Variants in EBF4 observed in about 807,000 individuals in gnomAD.
EBF4 encodes the protein EBF transcription factor 4, also known as transcription factor COE4.
A neutral mutation model predicts 67.1 loss-of-function variants in EBF4; 34 were observed. That is an observed-to-expected ratio of 0.51 (90% CI 0.39 to 0.67). The LOEUF (loss-of-function observed/expected upper bound fraction) is 0.67, where lower values mean the gene tolerates loss of function less well. Ranked by LOEUF, EBF4 falls within the 30% of genes least tolerant of loss-of-function variation. The pLI, the probability that EBF4 is intolerant of heterozygous loss-of-function variation, is 0.00. For synonymous variants in EBF4, 387 were observed against 377.7 expected, an observed-to-expected ratio of 1.02 and a Z score of -0.29; for missense variants, 837 against 873.3, an observed-to-expected ratio of 0.96 and a Z score of 0.52.
In EBF4 at chr20:2,754,979, C is replaced by CCCG. The variant is rs1555789843; in HGVS notation, c.1541-648_1541-647insCCG. On this transcript the variant is annotated intron_variant, in intron 14 of 16. Transcript: ENST00000609451. ...GGAGATTCAGGAGACCACCCCCCCC[C>CCCG]ACAGGGCCCAGGCTGGAGATGACAA... 500 of 123,874 alleles carry CCCG rather than the reference C, an allele frequency of 4.0e-3. 23 individuals carry two copies. The highest frequency in any genetic ancestry group is 0.02 in the East Asian group (76 of 3,754). The allele number at this position is 123,874 out of a possible 1,614,324, so 7.7% of individuals were successfully genotyped here. A position where few individuals can be genotyped will look rare whatever the true frequency, so the allele number is the denominator to read the frequency against.
chr20:2,705,051 A>G (rs532940382), intron 1 of EBF4, among the ~76,000 whole-genome samples: 5 of 152,246 alleles, frequency 3.3e-5, no homozygotes, highest in Non-Finnish European at 4.4e-5. Flanking sequence ...GGCCAGGCAG[A>G]CTAGTGGTCC....
At chr20:2,724,829 A>G (rs2087727713) in intron 6 of EBF4, among the ~76,000 whole-genome samples, 2 of 152,208 alleles carry the variant, frequency 1.3e-5, no homozygotes, top group Admixed American at 1.3e-4. Context: ...ATCTGAGCCC[A>G]GGAGCTGGGG....
exon 9 of EBF4, chr20:2,749,694 G>C: frequency 6.4e-7 from 1 of 1,563,728 alleles, no homozygotes; most frequent in Non-Finnish European, 8.7e-7. Context: ...CATTGTCATC[G>C]GCGACAACTT....
intron 6 of EBF4, among the ~76,000 whole-genome samples, chr20:2,741,256 G>C (rs1356631164): frequency 6.6e-6 from 1 of 152,020 alleles, no homozygotes; most frequent in Non-Finnish European, 1.5e-5. Flanking sequence ...AGGCTGCAGT[G>C]AGCCAAGATC....
In EBF4 at chr20:2,731,162, G is replaced by A. The variant is rs150396021; in HGVS notation, c.558-17387G>A. On this transcript the variant is annotated intron_variant, in intron 6 of 16. Coordinates refer to ENST00000609451, the Ensembl canonical transcript of EBF4. ...TCCGCCCGCCTCAGCCTCCCAAAGC[G>A]CTGGGATTACAGGCATGAGCCACTG... Among the ~76,000 whole-genome samples, 81 of 152,312 alleles carry A rather than the reference G, an allele frequency of 5.3e-4. No homozygotes were observed. In the East Asian group the frequency reaches 0.012, roughly 23 times the overall value.
intron 6 of EBF4, among the ~76,000 whole-genome samples, chr20:2,722,542 T>G (rs1396152434): frequency 6.6e-6 from 1 of 152,210 alleles, no homozygotes; most frequent in African/African-American, 2.4e-5. Flanking sequence ...CTCCAAGAAA[T>G]CTAGCTACCT....
rs534958676 is a variant in EBF4 at position 2,731,684 on chromosome 20, G to A, written c.558-16865G>A. On this transcript the variant is annotated intron_variant, in intron 6 of 16. Transcript: ENST00000609451. ...CCACTTCTACTGTCCTTCTTCCTAC[G>A]AACAAACCAAGTTTTTCTCTGTCCG... Among the ~76,000 whole-genome samples the A allele has an allele frequency of 3.3e-5, 5 of 152,266 alleles. No homozygotes were observed. The South Asian group carries it at 8.3e-4, about 25-fold the overall frequency.
At chr20:2,737,057 G>C (rs1452588667) in intron 6 of EBF4, among the ~76,000 whole-genome samples, 1 of 151,966 alleles carries the variant, frequency 6.6e-6, no homozygotes. Context: ...AGACCATCCT[G>C]GCTAACACGG....
At chr20:2,711,368 T>G (rs1438932587) in intron 6 of EBF4, among the ~76,000 whole-genome samples, 1 of 152,172 alleles carries the variant, frequency 6.6e-6, no homozygotes, top group African/African-American at 2.4e-5. Flanking sequence ...TTGCTGGACA[T>G]TTTGGTTGTT....
intron 6 of EBF4, among the ~76,000 whole-genome samples, chr20:2,710,657 T>A (rs1305238460): frequency 6.6e-6 from 1 of 151,658 alleles, no homozygotes; most frequent in East Asian, 1.9e-4. Context: ...CATTCATAGG[T>A]GCAAAAATTC....
Position 2,693,602 on chromosome 20 carries a change from A to C in EBF4, c.-44A>C. On this transcript the variant is annotated 5_prime_UTR_variant, in exon 1 of 17. Coordinates refer to ENST00000609451, the Ensembl canonical transcript of EBF4. The surrounding 1 kb of genome is among the most constrained non-coding windows in gnomAD (Gnocchi z 4.6). ...GCTAGACGCCCGCAGCCTCAGCGGGACCGGATCCGGGGCGGCGGGGGCGCT... is the reference window on the plus strand; with the variant it reads ...GCTAGACGCCCGCAGCCTCAGCGGGCCCGGATCCGGGGCGGCGGGGGCGCT... 7.4e-7 allele frequency: 1 copy of C among 1,353,046 alleles called. No homozygotes were observed. Among genetic ancestry groups the C allele is most frequent in the Non-Finnish European group, 9.5e-7 (1 of 1,056,778 alleles). 83.8% of individuals were successfully genotyped at this position (1,353,046 alleles called of 1,614,324 possible).
chr20:2,734,947 C>A (rs1181444888), intron 6 of EBF4, among the ~76,000 whole-genome samples: 1 of 152,196 alleles, frequency 6.6e-6, no homozygotes, highest in East Asian at 1.9e-4. Flanking sequence ...CCTCTCCCTG[C>A]ACATATGCAT....
Position 2,751,737 on chromosome 20 carries a change from G to C in EBF4, c.1056G>C (p.Arg352Ser). Residue 352 changes from arginine (R) to serine (S), a missense_variant, in exon 11 of 17, where the codon AGG becomes AGC. Transcript: ENST00000609451. This position sits in a 1 kb window ranked among gnomAD's most constrained non-coding sequence, Gnocchi z 5.2. ...CCACCATTGACTACGGATTCCAGAG[G>C]CTACAGAAAGTCATTCCCAGACACC... 1.3e-6 allele frequency: 2 copies of C among 1,548,882 alleles called. No individual in the cohort carries two copies. The highest frequency in any genetic ancestry group is 2.4e-5 in the South Asian group (2 of 83,984).
At chr20:2,728,347 A>T (rs1254192902) in intron 6 of EBF4, among the ~76,000 whole-genome samples, 10 of 152,104 alleles carry the variant, frequency 6.6e-5, no homozygotes, top group African/African-American at 2.4e-4. Context: ...AACTCCAGAG[A>T]TTGTCTGATT....
chr20:2,749,178 T>C (rs993499930), intron 7 of EBF4, among the ~76,000 whole-genome samples: 1 of 152,168 alleles, frequency 6.6e-6, no homozygotes, highest in Admixed American at 6.5e-5. Context: ...GGGGTCTTTA[T>C]TTTTGTAGCG....
chr20:2,721,601 A>G (rs145775043), intron 6 of EBF4, among the ~76,000 whole-genome samples: 8,564 of 151,928 alleles, frequency 0.056, 727 homozygotes, highest in African/African-American at 0.19. Flanking sequence ...TTTACAGGCA[A>G]GTGCCACCAT....
At chr20:2,735,067 A>G (rs773270188) in intron 6 of EBF4, among the ~76,000 whole-genome samples, 97 of 152,118 alleles carry the variant, frequency 6.4e-4, no homozygotes, top group Non-Finnish European at 1.2e-3. Flanking sequence ...TTTGCCCCCA[A>G]CTTGTATTGC....
chr20:2,708,074 ACT>A (rs1388416659), intron 5 of EBF4, 54 bp downstream of exon 5: 3 of 1,545,418 alleles, frequency 1.9e-6, no homozygotes, highest in Non-Finnish European at 2.6e-6. Flanking sequence ...GTTTCTGAGG[ACT>A]CTACCCAGGC....
In EBF4 at chr20:2,699,413, T is replaced by C. The variant is rs372134067; in HGVS notation, c.137+5631T>C. Reference sequence around the variant, plus strand: ...AAATCTTTTTTGGTGTCTCAAACAGTCTCCTTTAATTTTCGGTCTATTTAA... The same window carrying C: ...AAATCTTTTTTGGTGTCTCAAACAGCCTCCTTTAATTTTCGGTCTATTTAA... On this transcript the variant is annotated intron_variant, in intron 1 of 16. Coordinates refer to ENST00000609451, the Ensembl canonical transcript of EBF4. 2.6e-5 allele frequency among the ~76,000 whole-genome samples: 4 copies of C among 152,130 alleles called. No homozygotes were observed. The East Asian group carries it at 7.7e-4, about 29-fold the overall frequency.
Sources: gnomAD v4.1 joint callset for allele counts (sites outside exome capture counted in the v4.1 genomes callset) on GRCh38, gnomAD v4.1.1 for gene constraint, Gnocchi (gnomAD v3.1) non-coding constraint, MANE v1.5 for transcripts, NCBI Gene and HGNC (gene_info 2026-07-23, HGNC 2026-07-21) for gene names.